CSMD3: variants seen among roughly 807,000 people sequenced by gnomAD.
The protein encoded by CSMD3 is CUB and sushi domain-containing protein 3.
CSMD3 carries 177 observed loss-of-function variants against 435.2 expected under a neutral mutation model. The observed-to-expected ratio is 0.41, with a 90% CI of 0.36 to 0.46. The LOEUF is 0.46. CSMD3 is among the 20% of genes least tolerant of loss of function. The pLI is 0.34. For missense variants in CSMD3, 4,265 were observed against 4,504.6 expected (o/e 0.95, Z 1.52); for synonymous variants, 1,656 against 1,520.5 (o/e 1.09, Z -2.07).
In CSMD3 at chr8:112,921,688, G is replaced by T; in HGVS notation, c.1572C>A (p.Ile524=). 4 of 1,610,898 alleles carry T rather than the reference G, an allele frequency of 2.5e-6. No homozygotes were observed. Among genetic ancestry groups the T allele is most frequent in the Non-Finnish European group, 3.4e-6 (4 of 1,177,302 alleles). ...EDYVLQGAKS[I]TCQRIAEVFA... ...AAACTTCAGCTATCCGTTGACAGGTGATGCTCTTTGCGCCCTGTAGGACAT... is the reference window on the plus strand; with the variant it reads ...AAACTTCAGCTATCCGTTGACAGGTTATGCTCTTTGCGCCCTGTAGGACAT... Residue 524 remains isoleucine (I), a synonymous_variant, in exon 10 of 71, where the codon ATC becomes ATA. Transcript: ENST00000297405.
chr8:112,823,930 C>T (rs1238259188), intron 12 of CSMD3, among the ~76,000 whole-genome samples: 2 of 152,008 alleles, frequency 1.3e-5, no homozygotes, highest in East Asian at 3.9e-4. Context: ...GTGTTAAAGT[C>T]TTCTGCTACT....
At chr8:112,895,852 G>GA (rs1487167444) in intron 10 of CSMD3, among the ~76,000 whole-genome samples, 5 of 151,354 alleles carry the variant, frequency 3.3e-5, no homozygotes, top group Non-Finnish European at 1.5e-5. Context: ...ATAAAGTCCT[G>GA]AAAAAGGAGA....
At chr8:112,783,479 A>AAGGAAGGAAGGG in intron 13 of CSMD3, among the ~76,000 whole-genome samples, 1 of 82,580 alleles carries the variant, frequency 1.2e-5, no homozygotes, top group Non-Finnish European at 2.2e-5. Flanking sequence ...GGAAGGAAGG[A>AAGGAAGGAAGGG]AGGGAGAGAA....
chr8:113,401,844 A>G (rs1021907942), intron 1 of CSMD3, among the ~76,000 whole-genome samples: 10 of 151,664 alleles, frequency 6.6e-5, no homozygotes, highest in Admixed American at 6.6e-5. Flanking sequence ...ATGTGTTACA[A>G]TTGCCTGTAG....
At chr8:113,232,922 T>C (rs1450653460) in intron 3 of CSMD3, among the ~76,000 whole-genome samples, 1 of 151,898 alleles carries the variant, frequency 6.6e-6, no homozygotes, top group Non-Finnish European at 1.5e-5. Flanking sequence ...TTTATGTAGG[T>C]GGAACATTTC....
rs1048957107 is a variant in CSMD3, at chr8:112,930,188, C to T, written c.1509-8437G>A. 2.0e-5 allele frequency among the ~76,000 whole-genome samples: 3 copies of T among 152,190 alleles called. No homozygotes were observed. In the East Asian group the frequency reaches 5.8e-4, roughly 29 times the overall value. ...CAATACGCCTCTTTAAGCCATAAGG[C>T]AAGGTTAACATCTCATTCTTGTGAC... On this transcript the variant is annotated intron_variant, in intron 9 of 70. Transcript: ENST00000297405.
chr8:112,612,696 T>C (rs538327899), intron 22 of CSMD3, among the ~76,000 whole-genome samples: 92 of 146,444 alleles, frequency 6.3e-4, no homozygotes, highest in Non-Finnish European at 4.6e-4. Flanking sequence ...TCTGAACTCT[T>C]TCTTTCTTTG....
intron 1 of CSMD3, among the ~76,000 whole-genome samples, chr8:113,359,734 T>C (rs2094258936): frequency 6.6e-6 from 1 of 152,248 alleles, no homozygotes; most frequent in South Asian, 2.1e-4. Context: ...TAAAAGTTTA[T>C]ACTCTTGAAA....
intron 5 of CSMD3, among the ~76,000 whole-genome samples, chr8:113,052,939 A>G (rs888963940): frequency 3.3e-5 from 5 of 152,218 alleles, no homozygotes; most frequent in African/African-American, 9.6e-5. Flanking sequence ...TCAGGAATCA[A>G]TTGAATGACT....
intron 5 of CSMD3, among the ~76,000 whole-genome samples, chr8:113,091,224 C>T (rs906198971): frequency 1.3e-5 from 2 of 151,978 alleles, no homozygotes; most frequent in Admixed American, 1.3e-4. Context: ...GTTGTAGGGG[C>T]TCTGAGCAAT....
chr8:112,727,819 A>C (rs144142859), intron 13 of CSMD3, among the ~76,000 whole-genome samples: 18 of 151,952 alleles, frequency 1.2e-4, no homozygotes, highest in African/African-American at 3.9e-4. Flanking sequence ...CGGATTCTAA[A>C]TGGCATTTTT....
intron 3 of CSMD3, among the ~76,000 whole-genome samples, chr8:113,255,407 G>C (rs1230958964): frequency 6.6e-6 from 1 of 151,942 alleles, no homozygotes; most frequent in Non-Finnish European, 1.5e-5. Flanking sequence ...CATATCTGAT[G>C]ATATTTCTAT....
At chr8:112,660,917 T>C (rs1481610389) in intron 17 of CSMD3, among the ~76,000 whole-genome samples, 1 of 152,120 alleles carries the variant, frequency 6.6e-6, no homozygotes, top group Non-Finnish European at 1.5e-5. Context: ...AGTGGGTAAT[T>C]TCAGGATTAA....
At chr8:113,374,003 T>C (rs2094362815) in intron 1 of CSMD3, among the ~76,000 whole-genome samples, 1 of 152,082 alleles carries the variant, frequency 6.6e-6, no homozygotes, top group South Asian at 2.1e-4. Flanking sequence ...TCAGGTCCAA[T>C]TAAATATTTT....
intron 2 of CSMD3, among the ~76,000 whole-genome samples, chr8:113,283,344 G>A (rs900602013): frequency 6.6e-6 from 1 of 151,674 alleles, no homozygotes; most frequent in Non-Finnish European, 1.5e-5. Context: ...ATCTGACAAA[G>A]GACTAATATC....
intron 22 of CSMD3, among the ~76,000 whole-genome samples, chr8:112,587,950 G>T (rs1415924177): frequency 6.6e-6 from 1 of 151,692 alleles, no homozygotes. Flanking sequence ...TAAACATTTA[G>T]GAAAATGTGA....
intron 6 of CSMD3, among the ~76,000 whole-genome samples, chr8:113,004,663 TC>T (rs2085989885): frequency 6.6e-6 from 1 of 151,882 alleles, no homozygotes; most frequent in African/African-American, 2.4e-5. Context: ...GAATCAATAG[TC>T]TAACACAATG....
intron 32 of CSMD3, among the ~76,000 whole-genome samples, chr8:112,420,207 A>C (rs976914366): frequency 2.4e-4 from 36 of 152,130 alleles, no homozygotes; most frequent in African/African-American, 7.7e-4. Context: ...ACACCCATGA[A>C]ACCATCACCC....
chr8:112,385,405 TA>T (rs1408410151), intron 36 of CSMD3, among the ~76,000 whole-genome samples: 2 of 152,130 alleles, frequency 1.3e-5, no homozygotes, highest in Non-Finnish European at 2.9e-5. Context: ...AGAAACTCAA[TA>T]AAAAACTAAA....
Sources: gnomAD v4.1 joint callset for allele counts (sites outside exome capture counted in the v4.1 genomes callset) on GRCh38, gnomAD v4.1.1 for gene constraint, MANE v1.5 for transcripts, NCBI Gene and HGNC (gene_info 2026-07-23, HGNC 2026-07-21) for gene names.